The following TGM6 variants were observed in gnomAD, a reference collection of about 807,000 sequenced individuals.
The protein encoded by TGM6 is transglutaminase 6, also known as protein-glutamine gamma-glutamyltransferase 6.
Under a neutral mutation model 77.5 loss-of-function variants are expected in TGM6, and 74 were observed. That is an observed-to-expected ratio of 0.96 (90% CI 0.79 to 1.16). The LOEUF (loss-of-function observed/expected upper bound fraction) is 1.16, where lower values mean the gene tolerates loss of function less well. TGM6 is among the 50% of genes most tolerant of loss of function. TGM6 has a pLI of 0.00. For missense variants in TGM6, 968 were observed against 940.2 expected, an observed-to-expected ratio of 1.03 and a Z score of -0.39; for synonymous variants, 383 against 378.9, an observed-to-expected ratio of 1.01 and a Z score of -0.12.
intron 7 of TGM6, among the ~76,000 whole-genome samples, chr20:2,401,577 C>G (rs1207728557): frequency 6.6e-6 from 1 of 152,228 alleles, no homozygotes; most frequent in Non-Finnish European, 1.5e-5. Flanking sequence ...CACCAAGCAC[C>G]TAGTCTGTGC....
intron 1 of TGM6, among the ~76,000 whole-genome samples, chr20:2,393,767 T>C (rs1248008998): frequency 2.6e-5 from 4 of 152,070 alleles, no homozygotes; most frequent in African/African-American, 9.7e-5. Context: ...GCTTAGGCAA[T>C]CCGCCCACCT....
intron 9 of TGM6, among the ~76,000 whole-genome samples, chr20:2,411,121 G>A (rs1039757065): frequency 6.6e-6 from 1 of 152,144 alleles, no homozygotes; most frequent in African/African-American, 2.4e-5. Context: ...ATTCTGTGAA[G>A]TCAGTATTAT....
At chr20:2,400,187 G>T in intron 6 of TGM6, 119 bp from the exon 7 acceptor site, 1 of 1,443,640 alleles carries the variant, frequency 6.9e-7, no homozygotes, top group South Asian at 1.2e-5. Context: ...TAGACACACA[G>T]ACAAAGATGG....
At chr20:2,398,480 C>T (rs1187147426) in intron 5 of TGM6, among the ~76,000 whole-genome samples, 1 of 152,140 alleles carries the variant, frequency 6.6e-6, no homozygotes, top group Non-Finnish European at 1.5e-5. Context: ...ACCCACCAGT[C>T]ATCACTCTTT....
chr20:2,429,026 T>C (rs1231076177), intron 10 of TGM6, among the ~76,000 whole-genome samples: 3 of 152,184 alleles, frequency 2.0e-5, no homozygotes, highest in Admixed American at 1.3e-4. Flanking sequence ...GGTTTCAACA[T>C]GTTGGTCAGG....
intron 1 of TGM6, among the ~76,000 whole-genome samples, chr20:2,389,976 A>G (rs1156879650): frequency 6.6e-6 from 1 of 152,184 alleles, no homozygotes; most frequent in Non-Finnish European, 1.5e-5. Context: ...CGTAAGGACT[A>G]TTAAGATACT....
Position 2,384,737 on chromosome 20 carries a change from C to T in TGM6, c.7+3762C>T, listed in dbSNP as rs117899620. Among the ~76,000 whole-genome samples the T allele has an allele frequency of 2.2e-4, 34 of 152,180 alleles. 1 individual carries two copies. The highest frequency in any genetic ancestry group is 3.7e-4 in the Non-Finnish European group (25 of 68,016). ...AGTTGCTGTGCAGAGTGAAAGGAAG[C>T]GCTGAGAAGACGATGAGAGGGAGAA... On this transcript the variant is annotated intron_variant, in intron 1 of 12. Coordinates refer to ENST00000202625, the MANE Select transcript of TGM6 (RefSeq NM_198994.3).
rs191421084 is a variant in TGM6 at position 2,397,344 on chromosome 20, C to G, written c.544-574C>G. ...GGTCCCCGGTGGAAGAAAGACTGGA[C>G]TTGACTGTCAGGCTGAGGAGTCACG... On this transcript the variant is annotated intron_variant, in intron 4 of 12. Coordinates refer to ENST00000202625, the MANE Select transcript of TGM6 (RefSeq NM_198994.3). 2.6e-5 allele frequency among the ~76,000 whole-genome samples: 4 copies of G among 152,260 alleles called. No homozygotes were observed. In the East Asian group the frequency reaches 7.8e-4, roughly 30 times the overall value.
chr20:2,396,638 CAGGCCAGACA>C lies in TGM6; in HGVS notation c.543+18_543+27del, dbSNP rs2084670223. 6.2e-7 allele frequency: 1 copy of C among 1,613,068 alleles called. No homozygotes were observed. Among genetic ancestry groups the C allele is most frequent in the East Asian group, 2.2e-5 (1 of 44,882 alleles). Reference sequence around the variant, plus strand: ...AACTACGGGCAGGTCTCCAGGGGCACAGGCCAGACAAGGATGTGGGCTGGGGCATGGGGAG... The same window carrying C: ...AACTACGGGCAGGTCTCCAGGGGCACAGGATGTGGGCTGGGGCATGGGGAG... On this transcript the variant is annotated intron_variant, in intron 4 of 12. Coordinates refer to ENST00000202625, the MANE Select transcript of TGM6 (RefSeq NM_198994.3).
intron 10 of TGM6, among the ~76,000 whole-genome samples, chr20:2,425,964 C>T (rs1334823403): frequency 6.6e-6 from 1 of 152,172 alleles, no homozygotes; most frequent in Non-Finnish European, 1.5e-5. Flanking sequence ...TTCTTTCTAA[C>T]TATCTTGTAC....
In TGM6 at chr20:2,399,775, C is replaced by T; in HGVS notation, c.850+37C>T. 5 of 1,563,832 alleles carry T rather than the reference C, an allele frequency of 3.2e-6. 1 individual carries two copies. Among genetic ancestry groups the T allele is most frequent in the Non-Finnish European group, 4.4e-6 (5 of 1,145,666 alleles). On this transcript the variant is annotated intron_variant, in intron 6 of 12. Coordinates refer to ENST00000202625, the MANE Select transcript of TGM6 (RefSeq NM_198994.3). ...GAGAAGGGCCCCAGGGTACCTGTGC[C>T]CCCAGCTTCCTCTATCTAAATGTAT...
rs554969339 is a variant in TGM6, at chr20:2,414,166, G to A, written c.1337-3066G>A. Among the ~76,000 whole-genome samples, 5 of 152,258 alleles carry A rather than the reference G, an allele frequency of 3.3e-5. No individual in the cohort carries two copies. In the East Asian group the frequency reaches 7.7e-4, roughly 24 times the overall value. Reference sequence around the variant, plus strand: ...GCGAGAGGAGTACTTGAGGCTAGGAGTTCAAGACCAGCCTGGGCAACATAG... The same window carrying A: ...GCGAGAGGAGTACTTGAGGCTAGGAATTCAAGACCAGCCTGGGCAACATAG... On this transcript the variant is annotated intron_variant, in intron 9 of 12. Coordinates refer to ENST00000202625, the MANE Select transcript of TGM6 (RefSeq NM_198994.3).
At chr20:2,421,236 C>T (rs764386897) in intron 10 of TGM6, among the ~76,000 whole-genome samples, 19 of 152,204 alleles carry the variant, frequency 1.2e-4, no homozygotes, top group African/African-American at 4.1e-4. Context: ...CCACCTGCCT[C>T]GGCCTCCCAA....
intron 9 of TGM6, among the ~76,000 whole-genome samples, chr20:2,408,609 C>G (rs2084766900): frequency 6.6e-6 from 1 of 152,176 alleles, no homozygotes. Flanking sequence ...TTGGGGCCAA[C>G]AGCATATGAA....
chr20:2,394,767 G>C, intron 2 of TGM6, 142 bp downstream of exon 2: 2 of 1,050,224 alleles, frequency 1.9e-6, no homozygotes, highest in South Asian at 1.4e-5. Flanking sequence ...TTGAACCCTG[G>C]AGGCTTCTGG....
intron 9 of TGM6, 36 bp downstream of exon 9, chr20:2,403,859 C>T (rs558070858): frequency 1.2e-4 from 198 of 1,613,496 alleles, no homozygotes; most frequent in Non-Finnish European, 1.5e-4. Flanking sequence ...TACCTTCCCC[C>T]GGATGGCCCA....
chr20:2,417,112 AC>A (rs1447711657), intron 9 of TGM6, 119 bp from the exon 10 acceptor site: 2 of 865,254 alleles, frequency 2.3e-6, no homozygotes, highest in Admixed American at 4.6e-5. Context: ...AGAATCAAAC[AC>A]AAGGCATGTG....
chr20:2,406,562 G>A (rs1473410275), intron 9 of TGM6, among the ~76,000 whole-genome samples: 2 of 151,528 alleles, frequency 1.3e-5, no homozygotes, highest in Non-Finnish European at 2.9e-5. Flanking sequence ...CCAGCTGGGT[G>A]CAGTGGCTCA....
intron 4 of TGM6, 24 bp downstream of exon 4, chr20:2,396,648 A>C (rs1280723110): frequency 6.2e-7 from 1 of 1,610,980 alleles, no homozygotes. Flanking sequence ...CAGGCCAGAC[A>C]AGGATGTGGG....
Sources: allele counts gnomAD v4.1 joint callset (sites outside exome capture counted in the v4.1 genomes callset), GRCh38; gene constraint gnomAD v4.1.1; transcripts MANE v1.5; gene names NCBI Gene and HGNC (gene_info 2026-07-23, HGNC 2026-07-21).